Variants in GINS3 observed in about 807,000 individuals in gnomAD.
GINS3 encodes GINS complex subunit 3.
Under a neutral mutation model 20.0 loss-of-function variants are expected in GINS3, and 18 were observed. The ratio of observed to expected loss-of-function variants is 0.90; its 90% CI spans 0.62 to 1.33. The LOEUF is 1.33. Among genes scored for constraint, GINS3 ranks in the 40% most tolerant of loss-of-function variants. The pLI is 0.00. For synonymous variants in GINS3, 109 were observed against 107.0 expected (o/e 1.02, Z -0.12); for missense variants, 254 against 273.6 (o/e 0.93, Z 0.51).
In GINS3 at chr16:58,403,307, A is replaced by T. The variant is rs767273871; in HGVS notation, c.396A>T (p.Ala132=). The T allele has an allele frequency of 1.2e-6, 2 of 1,613,876 alleles. No individual in the cohort carries two copies. The highest frequency in any genetic ancestry group is 2.2e-5 in the South Asian group (2 of 91,058). The change falls in exon 2 of 3, where the codon GCA becomes GCT. Residue 132 remains alanine (A), a synonymous_variant. Coordinates refer to ENST00000318129, the MANE Select transcript of GINS3 (RefSeq NM_022770.4). ...QLLHFDSPEN[A]DISQSLLQTF... The stretch of plus-strand genomic sequence containing the variant: ...TGCATTTTGACAGTCCCGAGAATGC[A>T]GACATTTCCCAGTCTCTGCTGCAGG...
rs938573155 is a variant in GINS3 at position 58,405,387 on chromosome 16, C to T, written c.*658C>T. ...GCTTAATGAACTGGAATCTGCATAA[C>T]TCAGCAGTCAACCCAGAAGGGAAAT... On this transcript the variant is annotated 3_prime_UTR_variant, in exon 3 of 3. Transcript: ENST00000318129. 1.3e-5 allele frequency: 2 copies of T among 152,342 alleles called. No homozygotes were observed. The highest frequency in any genetic ancestry group is 4.8e-5 in the African/African-American group (2 of 41,458). 9.4% of individuals were successfully genotyped at this position (152,342 alleles called of 1,614,324 possible).
chr16:58,401,959 A>T (rs766684686), intron 1 of GINS3, among the ~76,000 whole-genome samples: 3 of 152,100 alleles, frequency 2.0e-5, no homozygotes, highest in Non-Finnish European at 4.4e-5. Context: ...ATATATAGCT[A>T]TTATCTCTTC....
chr16:58,399,200 C>A (rs1294319856), intron 1 of GINS3, among the ~76,000 whole-genome samples: 2 of 151,484 alleles, frequency 1.3e-5, no homozygotes, highest in Non-Finnish European at 2.9e-5. Flanking sequence ...TATAGTCCCA[C>A]CTACTCAGGA....
At chr16:58,395,758 G>A (rs1331584690) in intron 1 of GINS3, among the ~76,000 whole-genome samples, 2 of 152,122 alleles carry the variant, frequency 1.3e-5, no homozygotes, top group African/African-American at 2.4e-5. Flanking sequence ...GCAACCATCC[G>A]ATTTCTCAAT....
At chr16:58,392,865 G>T (rs1388513582) in intron 1 of GINS3, 78 bp downstream of exon 1, 2 of 1,378,128 alleles carry the variant, frequency 1.5e-6, no homozygotes, top group Non-Finnish European at 1.9e-6. Flanking sequence ...ACGCCGCATC[G>T]GGGCGCGCTG....
chr16:58,393,283 G>A (rs557315237), intron 1 of GINS3, among the ~76,000 whole-genome samples: 1 of 152,276 alleles, frequency 6.6e-6, no homozygotes, highest in African/African-American at 2.4e-5. Flanking sequence ...GTGGCAGCAT[G>A]GTTGGGTGTG....
In GINS3 at chr16:58,403,321, C is replaced by G. The variant is rs377064700; in HGVS notation, c.410C>G (p.Ser137Cys). The change falls in exon 2 of 3, where the codon TCT becomes TGT. Residue 137 changes from serine to cysteine, a missense_variant. By Grantham distance (112) the Ser-to-Cys change is moderately radical (BLOSUM62 -1). Coordinates refer to ENST00000318129, the MANE Select transcript of GINS3 (RefSeq NM_022770.4). The stretch of plus-strand genomic sequence containing the variant: ...CCCGAGAATGCAGACATTTCCCAGT[C>G]TCTGCTGCAGGCAAGTAATGGGTGT... ...DSPENADISQSLLQTFIGRFR... is the reference protein window; with the variant it reads ...DSPENADISQCLLQTFIGRFR... 70 of 1,613,464 alleles carry G rather than the reference C, an allele frequency of 4.3e-5. No individual in the cohort carries two copies. Among genetic ancestry groups the G allele is most frequent in the Non-Finnish European group, 5.8e-5 (68 of 1,179,744 alleles).
At chr16:58,400,031 C>A (rs1339562186) in intron 1 of GINS3, among the ~76,000 whole-genome samples, 2 of 152,088 alleles carry the variant, frequency 1.3e-5, no homozygotes, top group East Asian at 3.8e-4. Flanking sequence ...GTAGTTCTTT[C>A]TGGAATCATT....
chr16:58,395,918 G>A (rs1334543155), intron 1 of GINS3, among the ~76,000 whole-genome samples: 3 of 151,252 alleles, frequency 2.0e-5, no homozygotes, highest in African/African-American at 4.9e-5. Context: ...CCGGGCAGAG[G>A]TGCCCCTCAC....
chr16:58,392,897 C>T, intron 1 of GINS3, 110 bp downstream of exon 1: 1 of 1,213,758 alleles, frequency 8.2e-7, no homozygotes, highest in Non-Finnish European at 1.1e-6. Flanking sequence ...TTGTAGTTTT[C>T]GAGGAGCCAG....
intron 2 of GINS3, 156 bp downstream of exon 2, chr16:58,403,487 A>G (rs1965985095): frequency 3.4e-6 from 2 of 594,190 alleles, no homozygotes; most frequent in Non-Finnish European, 5.9e-6. Context: ...TTATATATTT[A>G]CATATATACA....
intron 1 of GINS3, among the ~76,000 whole-genome samples, chr16:58,400,704 AC>A (rs1236333803): frequency 6.6e-6 from 1 of 152,110 alleles, no homozygotes; most frequent in Non-Finnish European, 1.5e-5. Flanking sequence ...GGATATTTTC[AC>A]TGGGTATAAG....
chr16:58,401,887 A>G (rs1349107510), intron 1 of GINS3, among the ~76,000 whole-genome samples: 1 of 152,164 alleles, frequency 6.6e-6, no homozygotes, highest in African/African-American at 2.4e-5. Context: ...TTATTCTATT[A>G]ATACTTGTTA....
intron 1 of GINS3, among the ~76,000 whole-genome samples, chr16:58,397,543 G>A (rs1441797360): frequency 1.3e-5 from 2 of 152,166 alleles, no homozygotes; most frequent in Non-Finnish European, 2.9e-5. Flanking sequence ...ACGTGACTCC[G>A]TCTGCCATCC....
chr16:58,394,126 T>G (rs544199931), intron 1 of GINS3, among the ~76,000 whole-genome samples: 1 of 152,282 alleles, frequency 6.6e-6, no homozygotes, highest in African/African-American at 2.4e-5. Context: ...TCATATTTCC[T>G]TAGTTTTTAG....
intron 2 of GINS3, chr16:58,404,185 A>G (rs187102780): frequency 7.1e-5 from 20 of 283,024 alleles, no homozygotes; most frequent in African/African-American, 4.2e-4. Context: ...AGCATTTGCT[A>G]CTAATGACAA....
In GINS3 at chr16:58,404,096, C is replaced by T. The variant is rs181770575; in HGVS notation, c.421-403C>T. On this transcript the variant is annotated intron_variant, in intron 2 of 2. Transcript: ENST00000318129. ...TCTGTTCCCAACCTTTATGGTATAA[C>T]CTTATTTTAATTTTTCATAATTACT... 3.2e-5 allele frequency: 6 copies of T among 187,880 alleles called. No individual in the cohort carries two copies. In the East Asian group the frequency reaches 5.7e-4, roughly 18 times the overall value. The allele number at this position is 187,880 out of a possible 1,614,324, so 11.6% of individuals were successfully genotyped here.
chr16:58,396,896 C>T (rs1164012720), intron 1 of GINS3, among the ~76,000 whole-genome samples: 3 of 146,542 alleles, frequency 2.0e-5, no homozygotes, highest in Admixed American at 6.7e-5. Context: ...GGGGCTGACC[C>T]CCCCACCTCC....
intron 1 of GINS3, among the ~76,000 whole-genome samples, chr16:58,400,116 G>A (rs1287060980): frequency 2.0e-5 from 3 of 152,142 alleles, no homozygotes; most frequent in Non-Finnish European, 2.9e-5. Context: ...TGTCACAGAT[G>A]CCCAAGACCA....
Sources: gnomAD v4.1 joint callset for allele counts (sites outside exome capture counted in the v4.1 genomes callset) on GRCh38, gnomAD v4.1.1 for gene constraint, MANE v1.5 for transcripts, NCBI Gene and HGNC (gene_info 2026-07-23, HGNC 2026-07-21) for gene names.